Variants in RAPGEF4 observed in about 807,000 individuals in gnomAD.
The protein encoded by RAPGEF4 is RAP guanine-nucleotide-exchange factor (GEF) 4.
Under a neutral mutation model 147.9 loss-of-function variants are expected in RAPGEF4, and 66 were observed. The observed-to-expected ratio is 0.45, with a 90% CI of 0.37 to 0.55. The LOEUF (loss-of-function observed/expected upper bound fraction) is 0.55, where lower values mean the gene tolerates loss of function less well. RAPGEF4 is among the 20% of genes least tolerant of loss of function. RAPGEF4 has a pLI of 0.00. For missense variants in RAPGEF4, 1,071 were observed against 1,257.3 expected (o/e 0.85, Z 2.24); for synonymous variants, 419 against 442.7 (o/e 0.95, Z 0.67).
At chr2:172,987,467 A>C (rs529683392) in intron 12 of RAPGEF4, among the ~76,000 whole-genome samples, 98 of 152,276 alleles carry the variant, frequency 6.4e-4, no homozygotes, top group Non-Finnish European at 1.2e-3. Context: ...CTCTACATCT[A>C]TGTGTTCCAC....
intron 7 of RAPGEF4, 146 bp from the exon 8 acceptor site, chr2:172,960,976 A>C (rs2105460584): frequency 1.2e-6 from 1 of 812,692 alleles, no homozygotes; most frequent in Non-Finnish European, 2.0e-6. Context: ...GTGACATATC[A>C]CACAAGTGAA....
At chr2:172,805,947 A>T (rs13416723) in intron 3 of RAPGEF4, among the ~76,000 whole-genome samples, 31,073 of 152,034 alleles carry the variant, frequency 0.2, 3,919 homozygotes, top group Middle Eastern at 0.3. Context: ...ACAAGTTATA[A>T]GCAATAAATA....
chr2:172,956,969 C>T (rs917066158), intron 6 of RAPGEF4, among the ~76,000 whole-genome samples: 17 of 152,130 alleles, frequency 1.1e-4, no homozygotes, highest in African/African-American at 3.6e-4. Context: ...AAAGGGTGGG[C>T]CAAGATGTCT....
chr2:172,736,076 G>A, intron 1 of RAPGEF4, 28 bp downstream of exon 1: 3 of 1,451,908 alleles, frequency 2.1e-6, no homozygotes, highest in Non-Finnish European at 2.7e-6. Context: ...GCAGCCGGGG[G>A]CCGAGCTCTG....
intron 6 of RAPGEF4, among the ~76,000 whole-genome samples, chr2:172,932,870 T>C (rs1351480622): frequency 1.3e-5 from 2 of 152,222 alleles, no homozygotes; most frequent in East Asian, 1.9e-4. Context: ...CATGGGTCTT[T>C]GTTACAACTT....
At chr2:172,798,050 G>C (rs750012439) in intron 3 of RAPGEF4, among the ~76,000 whole-genome samples, 2 of 152,124 alleles carry the variant, frequency 1.3e-5, no homozygotes, top group African/African-American at 2.4e-5. Context: ...AGGAGATCTT[G>C]TGATGCAGGG....
chr2:172,819,749 A>G (rs143793231), intron 4 of RAPGEF4, among the ~76,000 whole-genome samples: 1,746 of 151,738 alleles, frequency 0.012, 31 homozygotes, highest in African/African-American at 0.038. Flanking sequence ...ACAGGCGTGA[A>G]CCACCGCGCC....
intron 6 of RAPGEF4, among the ~76,000 whole-genome samples, chr2:172,930,488 A>G (rs10199849): frequency 0.011 from 1,699 of 152,144 alleles, 28 homozygotes; most frequent in African/African-American, 0.037. Context: ...TAATTACCCA[A>G]TCAATACTCC....
At chr2:172,932,096 G>T (rs1485481955) in intron 6 of RAPGEF4, among the ~76,000 whole-genome samples, 1 of 151,532 alleles carries the variant, frequency 6.6e-6, no homozygotes, top group Admixed American at 6.6e-5. Context: ...GCTCCCTCTG[G>T]TGGTCATTCC....
At chr2:172,990,383 A>G (rs1477051380) in intron 14 of RAPGEF4, among the ~76,000 whole-genome samples, 1 of 152,230 alleles carries the variant, frequency 6.6e-6, no homozygotes, top group East Asian at 1.9e-4. Flanking sequence ...ACAAAACAAA[A>G]CAAAGCAGTC....
chr2:172,951,693 G>C (rs2105391099), intron 6 of RAPGEF4, among the ~76,000 whole-genome samples: 1 of 152,294 alleles, frequency 6.6e-6, no homozygotes, highest in East Asian at 1.9e-4. Flanking sequence ...AAGAGAGGGT[G>C]TGGCCTGAGC....
rs190153150 is a variant in RAPGEF4, at chr2:172,815,192, C to G, written c.444+767C>G. On this transcript the variant is annotated intron_variant, in intron 4 of 30. Transcript: ENST00000397081. ...AGCTCAGTATGTCCAAGTGTTAAAC[C>G]ATCAGGCTGCAGGCTTCGCCACTGG... 2.6e-5 allele frequency among the ~76,000 whole-genome samples: 4 copies of G among 152,340 alleles called. No homozygotes were observed. The East Asian group carries it at 7.7e-4, about 29-fold the overall frequency.
intron 4 of RAPGEF4, among the ~76,000 whole-genome samples, chr2:172,837,363 T>C (rs1200665843): frequency 6.6e-6 from 1 of 152,122 alleles, no homozygotes; most frequent in African/African-American, 2.4e-5. Flanking sequence ...TGCCCAGGGT[T>C]GTATGGCTAG....
rs1186829531 is a variant in RAPGEF4, at chr2:172,985,500, G to A, written c.1150+7G>A. ...GCCAAAGGAGGGACTGTGTGTAAGTGAAAAGCTGTACTGGAACCTTGCGCC... is the reference window on the plus strand; with the variant it reads ...GCCAAAGGAGGGACTGTGTGTAAGTAAAAAGCTGTACTGGAACCTTGCGCC... On this transcript the variant is annotated splice_region_variant and intron_variant, in intron 12 of 30. Coordinates refer to ENST00000397081, the MANE Select transcript of RAPGEF4 (RefSeq NM_007023.4). 6 of 1,613,248 alleles carry A rather than the reference G, an allele frequency of 3.7e-6. No individual in the cohort carries two copies. The highest frequency in any genetic ancestry group is 4.2e-6 in the Non-Finnish European group (5 of 1,179,706).
At chr2:172,921,078 G>A (rs1684704902) in intron 5 of RAPGEF4, among the ~76,000 whole-genome samples, 1 of 151,920 alleles carries the variant, frequency 6.6e-6, no homozygotes, top group Admixed American at 6.6e-5. Context: ...TGCCTACTAG[G>A]ATGAGCACTC....
intron 14 of RAPGEF4, among the ~76,000 whole-genome samples, chr2:172,989,560 A>G (rs1692619564): frequency 6.6e-6 from 1 of 152,136 alleles, no homozygotes; most frequent in South Asian, 2.1e-4. Flanking sequence ...GTTTAGAAAA[A>G]AATGGTCTCT....
intron 6 of RAPGEF4, among the ~76,000 whole-genome samples, chr2:172,927,353 A>C (rs1685474311): frequency 6.6e-6 from 1 of 152,182 alleles, no homozygotes; most frequent in African/African-American, 2.4e-5. Context: ...AAGGTTAGAG[A>C]GAACAAATTA....
chr2:172,805,115 C>T (rs3769315), intron 3 of RAPGEF4, among the ~76,000 whole-genome samples: 41,000 of 152,076 alleles, frequency 0.27, 5,931 homozygotes, highest in East Asian at 0.44. Flanking sequence ...CAGGCCCTTT[C>T]CAGGCAGGCC....
intron 6 of RAPGEF4, among the ~76,000 whole-genome samples, chr2:172,931,986 C>T (rs1479653279): frequency 6.7e-6 from 1 of 149,710 alleles, no homozygotes; most frequent in South Asian, 2.2e-4. Context: ...CATGCGCCCC[C>T]CACCCCCACC....
Sources: allele counts gnomAD v4.1 joint callset (sites outside exome capture counted in the v4.1 genomes callset), GRCh38; gene constraint gnomAD v4.1.1; transcripts MANE v1.5; gene names NCBI Gene and HGNC (gene_info 2026-07-23, HGNC 2026-07-21).